The following MCU variants were observed in gnomAD, a reference collection of about 807,000 sequenced individuals.
MCU encodes the protein mitochondrial calcium uniporter.
Under a neutral mutation model 45.2 loss-of-function variants are expected in MCU, and 12 were observed. That is an observed-to-expected ratio of 0.27 (90% CI 0.17 to 0.43). The LOEUF (loss-of-function observed/expected upper bound fraction) is 0.43. MCU is among the 20% of genes least tolerant of loss of function. The probability of loss-of-function intolerance (pLI) is 1.00; values close to 1 mark genes in which losing one functional copy is unlikely to be tolerated. For missense variants in MCU, 324 were observed against 436.7 expected (o/e 0.74, Z 2.30); for synonymous variants, 160 against 165.1 (o/e 0.97, Z 0.24).
At chr10:72,805,101 C>CTCATTCTTTCTT (rs1554824915) in intron 1 of MCU, among the ~76,000 whole-genome samples, 16 of 103,398 alleles carry the variant, frequency 1.5e-4, no homozygotes, top group Admixed American at 3.2e-4. Flanking sequence ...TTCTTTCTTT[C>CTCATTCTTTCTT]TCTTTCTTTC....
At chr10:72,813,750 C>T (rs1396109160) in intron 1 of MCU, among the ~76,000 whole-genome samples, 2 of 151,996 alleles carry the variant, frequency 1.3e-5, no homozygotes, top group Non-Finnish European at 2.9e-5. Context: ...TGAGCCCCTG[C>T]GCCCAGCAAA....
At chr10:72,813,806 A>ATTT (rs11312860) in intron 1 of MCU, among the ~76,000 whole-genome samples, 109 of 150,324 alleles carry the variant, frequency 7.3e-4, no homozygotes, top group African/African-American at 2.4e-3. Context: ...TATTTTTGTG[A>ATTT]TTTTTTTTTT....
intron 1 of MCU, among the ~76,000 whole-genome samples, chr10:72,809,653 G>A (rs1176831093): frequency 6.6e-6 from 1 of 152,200 alleles, no homozygotes; most frequent in Non-Finnish European, 1.5e-5. Context: ...AATCAGTACA[G>A]AAAGGACTCA....
At chr10:72,792,703 C>G (rs1844181830) in intron 1 of MCU, among the ~76,000 whole-genome samples, 2 of 132,330 alleles carry the variant, frequency 1.5e-5, no homozygotes, top group Non-Finnish European at 3.2e-5. Context: ...CTCTCCCCTC[C>G]CCCCCACCCC....
Position 72,758,351 on chromosome 10 carries a change from ATATT to A in MCU, c.150+66054_150+66057del, listed in dbSNP as rs565570684. Reference sequence around the variant, plus strand: ...ATTGCACCTGCTTCTTCGGTTTAAAATATTTATGTCAAAGAGGAATATTTTGGGG... The same window carrying A: ...ATTGCACCTGCTTCTTCGGTTTAAAATATGTCAAAGAGGAATATTTTGGGG... On this transcript the variant is annotated intron_variant, in intron 1 of 7. Coordinates refer to ENST00000373053, the MANE Select transcript of MCU (RefSeq NM_138357.3). 7.8e-4 allele frequency among the ~76,000 whole-genome samples: 119 copies of A among 152,250 alleles called. 2 individuals are homozygous for A. Among genetic ancestry groups the A allele is most frequent in the African/African-American group, 2.7e-3 (114 of 41,544 alleles).
intron 1 of MCU, among the ~76,000 whole-genome samples, chr10:72,718,659 GTCTA>G (rs1842983278): frequency 6.6e-6 from 1 of 152,132 alleles, no homozygotes; most frequent in Non-Finnish European, 1.5e-5. Flanking sequence ...AGAATTATGT[GTCTA>G]TCTATATTCA....
intron 2 of MCU, 97 bp from the exon 3 acceptor site, chr10:72,859,080 A>G: frequency 8.6e-7 from 1 of 1,162,820 alleles, no homozygotes; most frequent in Non-Finnish European, 1.2e-6. Context: ...ATTTTAAATC[A>G]CACTAATAAT....
chr10:72,746,429 G>C (rs1366179049), intron 1 of MCU, among the ~76,000 whole-genome samples: 1 of 152,198 alleles, frequency 6.6e-6, no homozygotes, highest in Non-Finnish European at 1.5e-5. Context: ...AATGTTATCT[G>C]TGTCTATGTA....
chr10:72,873,781 A>G (rs1052226568), intron 6 of MCU, among the ~76,000 whole-genome samples: 2 of 152,156 alleles, frequency 1.3e-5, no homozygotes, highest in Non-Finnish European at 2.9e-5. Context: ...GATTTTTTGT[A>G]TGGAGAGAGG....
intron 1 of MCU, among the ~76,000 whole-genome samples, chr10:72,722,917 C>T (rs1342451961): frequency 2.0e-5 from 3 of 152,120 alleles, no homozygotes; most frequent in Non-Finnish European, 4.4e-5. Context: ...TTATTTTTGG[C>T]TGGGTGTGGT....
At chr10:72,822,228 C>T (rs1006312742) in intron 1 of MCU, among the ~76,000 whole-genome samples, 4 of 152,116 alleles carry the variant, frequency 2.6e-5, no homozygotes, top group African/African-American at 4.8e-5. Flanking sequence ...GCCGAGATCG[C>T]ACCACTGCAC....
intron 1 of MCU, among the ~76,000 whole-genome samples, chr10:72,757,220 T>C (rs1843590530): frequency 6.6e-6 from 1 of 152,036 alleles, no homozygotes. Context: ...GTGAAAGAGC[T>C]GAGAGCCAAA....
rs1231681688 is a variant in MCU, at chr10:72,871,543, C to T, written c.824C>T (p.Ala275Val). 1.2e-6 allele frequency: 2 copies of T among 1,613,974 alleles called. No homozygotes were observed. The highest frequency in any genetic ancestry group is 2.2e-5 in the East Asian group (1 of 44,898). Reference protein sequence around the residue: ...PVTYFITYGSAMAMYAYFVMT... With the variant: ...PVTYFITYGSVMAMYAYFVMT... ...ACATACTTCATCACTTATGGAAGTGCCATGGCAATGTATGCATATTTTGTA... is the reference window on the plus strand; with the variant it reads ...ACATACTTCATCACTTATGGAAGTGTCATGGCAATGTATGCATATTTTGTA... The change falls in exon 6 of 8, where the codon GCC becomes GTC. Residue 275 changes from alanine (A) to valine (V), a missense_variant. By Grantham distance (64) the Ala-to-Val change is moderately conservative (BLOSUM62 0). Transcript: ENST00000373053.
chr10:72,831,385 A>G (rs978398209), intron 1 of MCU, among the ~76,000 whole-genome samples: 2 of 152,222 alleles, frequency 1.3e-5, no homozygotes, highest in African/African-American at 2.4e-5. Context: ...GAAAGAAAAA[A>G]GAAACATAGC....
At chr10:72,851,054 G>A (rs974837037) in intron 2 of MCU, among the ~76,000 whole-genome samples, 4 of 152,082 alleles carry the variant, frequency 2.6e-5, no homozygotes, top group Admixed American at 6.5e-5. Context: ...GAAATCTAAC[G>A]TTGACATTAC....
intron 1 of MCU, among the ~76,000 whole-genome samples, chr10:72,775,230 A>G (rs77625657): frequency 0.046 from 7,018 of 152,242 alleles, 284 homozygotes; most frequent in East Asian, 0.21. Context: ...CTAGAAATCA[A>G]TAACAGAAGG....
At chr10:72,770,749 T>G (rs1185357079) in intron 1 of MCU, among the ~76,000 whole-genome samples, 1 of 152,154 alleles carries the variant, frequency 6.6e-6, no homozygotes, top group African/African-American at 2.4e-5. Flanking sequence ...TTTGTTCTGA[T>G]AGCGTCAAAT....
chr10:72,845,071 T>C (rs1465375209), intron 2 of MCU, among the ~76,000 whole-genome samples: 1 of 152,162 alleles, frequency 6.6e-6, no homozygotes, highest in Non-Finnish European at 1.5e-5. Flanking sequence ...TCTAAAACTA[T>C]AATAATCAAA....
At chr10:72,847,733 G>A (rs1845144307) in intron 2 of MCU, among the ~76,000 whole-genome samples, 2 of 152,174 alleles carry the variant, frequency 1.3e-5, no homozygotes, top group Non-Finnish European at 2.9e-5. Context: ...TAGGGATTTA[G>A]GAATAGTTTG....
Sources: allele counts gnomAD v4.1 joint callset (sites outside exome capture counted in the v4.1 genomes callset), GRCh38; gene constraint gnomAD v4.1.1; transcripts MANE v1.5; gene names NCBI Gene and HGNC (gene_info 2026-07-23, HGNC 2026-07-21).